HIPK4: variants seen among roughly 807,000 people sequenced by gnomAD.
The protein encoded by HIPK4 is homeodomain-interacting protein kinase 4.
In HIPK4, 26 loss-of-function variants were observed where a neutral mutation model predicts 44.8. The observed-to-expected ratio is 0.58, with a 90% CI of 0.43 to 0.80. The LOEUF is 0.80. Ranked by LOEUF, HIPK4 falls within the 30% of genes least tolerant of loss-of-function variation. The pLI is 0.00. For synonymous variants in HIPK4, 340 were observed against 355.5 expected (o/e 0.96, Z 0.49); for missense variants, 729 against 862.6 (o/e 0.85, Z 1.94).
Position 40,381,165 on chromosome 19 carries a change from G to A in HIPK4, c.826C>T (p.Arg276Cys), listed in dbSNP as rs756981986. 2.4e-5 allele frequency: 38 copies of A among 1,591,928 alleles called. No homozygotes were observed. The highest frequency in any genetic ancestry group is 6.7e-5 in the Admixed American group (4 of 59,752). The change falls in exon 3 of 4, where the codon CGC becomes TGC. Residue 276 changes from arginine to cysteine, a missense_variant. Coordinates refer to ENST00000291823, the MANE Select transcript of HIPK4 (RefSeq NM_144685.5). ...SADYLAETKVRPLERRKYMLK... is the reference protein window; with the variant it reads ...SADYLAETKVCPLERRKYMLK... ...ATATACTTGCGGCGCTCCAATGGGC[G>A]CACCTGGCGGGGCATGGAGAAGGGG...
In HIPK4 at chr19:40,379,499, G is replaced by A; in HGVS notation, c.*88C>T. The A allele has an allele frequency of 4.5e-6, 5 of 1,112,352 alleles. No individual in the cohort carries two copies. The highest frequency in any genetic ancestry group is 6.2e-6 in the Non-Finnish European group (5 of 808,784). The allele number at this position is 1,112,352 out of a possible 1,614,324, so 68.9% of individuals were successfully genotyped here. A position where few individuals can be genotyped will look rare whatever the true frequency, so the allele number is the denominator to read the frequency against. On this transcript the variant is annotated 3_prime_UTR_variant, in exon 4 of 4. Coordinates refer to ENST00000291823, the MANE Select transcript of HIPK4 (RefSeq NM_144685.5). Reference sequence around the variant, plus strand: ...CTGTAAGAATAATTTGTGGGTTCAGGAGATGGCTCTGAGGAGCAGTTCAGG... The same window carrying A: ...CTGTAAGAATAATTTGTGGGTTCAGAAGATGGCTCTGAGGAGCAGTTCAGG...
Position 40,379,605 on chromosome 19 carries a change from A to G in HIPK4, c.1833T>C (p.His611=), listed in dbSNP as rs1241650561. ...PPRGATSFLQ[H]VTGHH is the part of the protein sequence containing the mutation. ...ATCACCATCAGTGGTGCCCGGTGAC[A>G]TGCTGGAGGAAGCTGGTGGCCCCCC... The change falls in exon 4 of 4, where the codon CAT becomes CAC. Residue 611 remains histidine (H), a synonymous_variant. Transcript: ENST00000291823. 14 of 1,539,338 alleles carry G rather than the reference A, an allele frequency of 9.1e-6. No homozygotes were observed. Among genetic ancestry groups the G allele is most frequent in the South Asian group, 2.4e-5 (2 of 82,976 alleles).
At chr19:40,382,860 A>G (rs563448208) in intron 2 of HIPK4, among the ~76,000 whole-genome samples, 1 of 151,522 alleles carries the variant, frequency 6.6e-6, no homozygotes, top group East Asian at 2.0e-4. Context: ...AGCCTGGCCA[A>G]CATGGTAAAA....
Position 40,383,914 on chromosome 19 carries a change from G to A in HIPK4, c.691C>T (p.Gln231Ter). Residue 231 changes from glutamine to a stop codon, truncating the protein, a stop_gained, in exon 2 of 4, where the codon CAG becomes TAG. Coordinates refer to ENST00000291823, the MANE Select transcript of HIPK4 (RefSeq NM_144685.5). LOFTEE classifies it high-confidence loss of function. ...YDQVRYICETQGLPKPHLLHA... is the reference protein window; with the variant it reads ...YDQVRYICET Reference sequence around the variant, plus strand: ...AACAGGTGTGGCTTGGGCAGGCCCTGGGTTTCGCAGATGTAGCGCACCTGG... The same window carrying A: ...AACAGGTGTGGCTTGGGCAGGCCCTAGGTTTCGCAGATGTAGCGCACCTGG... 6.2e-7 allele frequency: 1 copy of A among 1,614,134 alleles called. No homozygotes were observed. Among genetic ancestry groups the A allele is most frequent in the Non-Finnish European group, 8.5e-7 (1 of 1,180,010 alleles).
chr19:40,386,182 G>T lies in HIPK4; in HGVS notation c.466-2043C>A, dbSNP rs556362027. ...CCTACTGGATTCAAGTGATTCTCCTGCCTCAGCCTCCTGAGTAGCTGGGAT... is the reference window on the plus strand; with the variant it reads ...CCTACTGGATTCAAGTGATTCTCCTTCCTCAGCCTCCTGAGTAGCTGGGAT... On this transcript the variant is annotated intron_variant, in intron 1 of 3. Coordinates refer to ENST00000291823, the MANE Select transcript of HIPK4 (RefSeq NM_144685.5). Among the ~76,000 whole-genome samples the T allele has an allele frequency of 2.6e-5, 4 of 152,084 alleles. No individual in the cohort carries two copies. The East Asian group carries it at 7.7e-4, about 29-fold the overall frequency.
rs759382507 is a variant in HIPK4 at position 40,383,922 on chromosome 19, C to T, written c.683G>A (p.Cys228Tyr). Residue 228 changes from cysteine (C) to tyrosine (Y), a missense_variant, in exon 2 of 4, where the codon TGC (cysteine) becomes TAC (tyrosine). Around this residue, in one of 2 missense-constraint regions of HIPK4, gnomAD observed 533 missense variants for 567.5 expected, o/e 0.94. Transcript: ENST00000291823. Reference protein sequence around the residue: ...NNEYDQVRYICETQGLPKPHL... With the variant: ...NNEYDQVRYIYETQGLPKPHL... ...TGGCTTGGGCAGGCCCTGGGTTTCG[C>T]AGATGTAGCGCACCTGGTCGTACTC... 1.9e-6 allele frequency: 3 copies of T among 1,614,162 alleles called. No individual in the cohort carries two copies. Among genetic ancestry groups the T allele is most frequent in the South Asian group, 1.1e-5 (1 of 91,082 alleles).
intron 1 of HIPK4, among the ~76,000 whole-genome samples, chr19:40,386,220 T>C (rs1346103942): frequency 6.9e-6 from 1 of 145,510 alleles, no homozygotes; most frequent in African/African-American, 2.6e-5. Flanking sequence ...CAAGCGCTAA[T>C]CTTTTGCATT....
At chr19:40,385,018 G>A (rs1168017459) in intron 1 of HIPK4, among the ~76,000 whole-genome samples, 1 of 152,082 alleles carries the variant, frequency 6.6e-6, no homozygotes, top group Admixed American at 6.6e-5. Flanking sequence ...TGCAAAGGAG[G>A]GTTAGGACCC....
chr19:40,389,741 G>A lies in HIPK4; in HGVS notation c.162C>T (p.Asn54=), dbSNP rs767056030. 1.8e-5 allele frequency: 29 copies of A among 1,614,120 alleles called. No homozygotes were observed. Among genetic ancestry groups the A allele is most frequent in the African/African-American group, 8.0e-5 (6 of 74,934 alleles). The change falls in exon 1 of 4, where the codon AAC becomes AAT. Residue 54 remains asparagine, a synonymous_variant. Transcript: ENST00000291823. This position sits in a 1 kb window ranked among gnomAD's most constrained non-coding sequence, Gnocchi z 4.6. ...GCATGCAGTGCAGCAGCTTCAGCTC[G>A]TTCTTGATGATGCGGTTGCGGTAGG... ...NDAYRNRIIK[N]ELKLLHCMRG...
intron 2 of HIPK4, among the ~76,000 whole-genome samples, chr19:40,383,046 T>TAA (rs1200393409): frequency 7.1e-6 from 1 of 140,040 alleles, no homozygotes; most frequent in Non-Finnish European, 1.5e-5. Flanking sequence ...GACTCCGTCT[T>TAA]AAAAAAAAAA....
At chr19:40,385,900 G>C (rs1201243300) in intron 1 of HIPK4, among the ~76,000 whole-genome samples, 1 of 151,270 alleles carries the variant, frequency 6.6e-6, no homozygotes, top group Non-Finnish European at 1.5e-5. Flanking sequence ...TAGAGACGGG[G>C]TTTCACGATG....
rs1386582968 is a variant in HIPK4, at chr19:40,381,057, C to T, written c.934G>A (p.Ala312Thr). Residue 312 changes from alanine to threonine, a missense_variant, in exon 3 of 4, where the codon GCG becomes ACG. By Grantham distance (58) the Ala-to-Thr change is moderately conservative. Transcript: ENST00000291823. ...RLTFPDREAL[A>T]EHADLKSMVE... ...ATGCTCTTGAGGTCGGCGTGCTCCGCCAGCGCCTCCCGGTCAGGGAAGGTT... is the reference window on the plus strand; with the variant it reads ...ATGCTCTTGAGGTCGGCGTGCTCCGTCAGCGCCTCCCGGTCAGGGAAGGTT... 18 of 1,613,326 alleles carry T rather than the reference C, an allele frequency of 1.1e-5. No homozygotes were observed. The highest frequency in any genetic ancestry group is 1.4e-5 in the Non-Finnish European group (17 of 1,180,016).
chr19:40,384,267 T>C, intron 1 of HIPK4, 128 bp from the exon 2 acceptor site: 2 of 711,038 alleles, frequency 2.8e-6, no homozygotes, highest in Non-Finnish European at 4.8e-6. Flanking sequence ...TCTCTGGGTC[T>C]GTGATTCTTT....
Position 40,383,754 on chromosome 19 carries a change from T to C in HIPK4, c.822+29A>G, listed in dbSNP as rs758198344. 6 of 1,557,306 alleles carry C rather than the reference T, an allele frequency of 3.9e-6. No homozygotes were observed. The African/African-American group carries it at 5.4e-5, about 14-fold the overall frequency. ...TTTTTTCATGTAACAGCCCCCACAC[T>C]GACTGCCCTCACCCAACTTTTCCCT... On this transcript the variant is annotated intron_variant, in intron 2 of 3. Coordinates refer to ENST00000291823, the MANE Select transcript of HIPK4 (RefSeq NM_144685.5).
intron 2 of HIPK4, among the ~76,000 whole-genome samples, chr19:40,381,875 G>A (rs751377199): frequency 1.9e-4 from 27 of 139,846 alleles, no homozygotes; most frequent in African/African-American, 5.3e-4. Context: ...GTACAATCTC[G>A]GCTCACTGCA....
chr19:40,383,204 C>A (rs140878536), intron 2 of HIPK4, among the ~76,000 whole-genome samples: 6,883 of 148,148 alleles, frequency 0.046, 528 homozygotes, highest in African/African-American at 0.16. Flanking sequence ...TGCCTCAGCC[C>A]GCCGAGTAGC....
chr19:40,382,696 C>G (rs2079342786), intron 2 of HIPK4, among the ~76,000 whole-genome samples: 1 of 152,070 alleles, frequency 6.6e-6, no homozygotes, highest in Admixed American at 6.6e-5. Context: ...AGGCTGACCC[C>G]CAAGTTCCAG....
intron 1 of HIPK4, among the ~76,000 whole-genome samples, chr19:40,386,618 C>A (rs1459364067): frequency 6.6e-6 from 1 of 152,150 alleles, no homozygotes; most frequent in East Asian, 1.9e-4. Context: ...TCCCAACATG[C>A]TGGGATTATA....
At position 40,380,484 on chromosome 19, in the gene HIPK4, T is replaced by G. The variant is rs970437287; in HGVS notation, c.1507A>C (p.Asn503His). The G allele has an allele frequency of 3.7e-6, 6 of 1,613,246 alleles. No individual in the cohort carries two copies. The African/African-American group carries it at 8.0e-5, about 22-fold the overall frequency. Residue 503 changes from asparagine (N) to histidine (H), a missense_variant, in exon 3 of 4, where the codon AAC becomes CAC. This residue lies in a region of HIPK4 where 533 missense variants were observed against 567.5 expected (regional missense o/e 0.94). Coordinates refer to ENST00000291823, the MANE Select transcript of HIPK4 (RefSeq NM_144685.5). This position sits in a 1 kb window ranked among gnomAD's most constrained non-coding sequence, Gnocchi z 4.2. ...AGSKSDSNFSNLIRLSQVSPE... is the reference protein window; with the variant it reads ...AGSKSDSNFSHLIRLSQVSPE... ...GAGACCTGGCTCAGCCGAATGAGGTTGCTGAAGTTGGAGTCGGACTTGGAA... is the reference window on the plus strand; with the variant it reads ...GAGACCTGGCTCAGCCGAATGAGGTGGCTGAAGTTGGAGTCGGACTTGGAA...
Sources: gnomAD v4.1 joint callset for allele counts (sites outside exome capture counted in the v4.1 genomes callset) on GRCh38, gnomAD v4.1.1 for gene constraint, gnomAD v4.1.1 regional missense constraint, Gnocchi (gnomAD v3.1) non-coding constraint, MANE v1.5 for transcripts, NCBI Gene and HGNC (gene_info 2026-07-23, HGNC 2026-07-21) for gene names.